Variants in ELAVL2 observed in about 807,000 individuals in gnomAD.
ELAVL2 encodes ELAV-like protein 2.
ELAVL2 carries 4 observed loss-of-function variants against 34.6 expected under a neutral mutation model. The observed-to-expected ratio is 0.12, with a 90% CI of 0.06 to 0.26. ELAVL2 has a LOEUF of 0.26. Among genes scored for constraint, ELAVL2 ranks in the 10% least tolerant of loss-of-function variants. ELAVL2 has a pLI of 1.00. For missense variants in ELAVL2, 432 were observed against 442.8 expected (o/e 0.98, Z 0.22); for synonymous variants, 193 against 154.8 (o/e 1.25, Z -1.83).
chr9:23,718,948 T>C (rs989223752), intron 3 of ELAVL2, among the ~76,000 whole-genome samples: 3 of 152,168 alleles, frequency 2.0e-5, no homozygotes, highest in Non-Finnish European at 2.9e-5. Flanking sequence ...AAATAATTAC[T>C]GTATTCCCAA....
At chr9:23,734,065 G>A (rs2047244467) in intron 2 of ELAVL2, among the ~76,000 whole-genome samples, 1 of 152,176 alleles carries the variant, frequency 6.6e-6, no homozygotes, top group Non-Finnish European at 1.5e-5. Flanking sequence ...AAGCAAAACT[G>A]TATTATTATC....
intron 2 of ELAVL2, among the ~76,000 whole-genome samples, chr9:23,756,596 A>G (rs910050208): frequency 1.3e-5 from 2 of 152,138 alleles, no homozygotes; most frequent in African/African-American, 4.8e-5. Flanking sequence ...ACGTGCTTTC[A>G]GCAACATATC....
rs778079127 is a variant in ELAVL2 at position 23,804,180 on chromosome 9, TA to T, written c.-16+21625del. On this transcript the variant is annotated intron_variant, in intron 1 of 6. Transcript: ENST00000397312. Reference sequence around the variant, plus strand: ...TGGATTTATTATTTATTTATTTATTTATTTTTTTTTTGAGACGGCGTCTCGC... The same window carrying T: ...TGGATTTATTATTTATTTATTTATTTTTTTTTTTTTGAGACGGCGTCTCGC... Among the ~76,000 whole-genome samples the T allele has an allele frequency of 3.2e-3, 476 of 150,076 alleles. 3 individuals carry two copies. The highest frequency in any genetic ancestry group is 0.014 in the Middle Eastern group (4 of 284).
chr9:23,727,846 T>C (rs987013566), intron 3 of ELAVL2, among the ~76,000 whole-genome samples: 1 of 152,052 alleles, frequency 6.6e-6, no homozygotes, highest in African/African-American at 2.4e-5. Context: ...CTAATGCTAT[T>C]AGGGAGCCCC....
the ELAVL2 span, among the ~76,000 whole-genome samples, chr9:23,844,241 CTCTA>C: frequency 2.6e-5 from 4 of 152,008 alleles, no homozygotes; most frequent in Admixed American, 6.6e-5. Context: ...CTGTTGACAT[CTCTA>C]TCTCTTACAC....
chr9:23,803,581 G>A (rs966986522), intron 1 of ELAVL2, among the ~76,000 whole-genome samples: 1 of 152,136 alleles, frequency 6.6e-6, no homozygotes, highest in Non-Finnish European at 1.5e-5. Context: ...AAGCCATCCT[G>A]TAAAATTGTC....
At chr9:23,805,604 G>C (rs2062109877) in intron 1 of ELAVL2, among the ~76,000 whole-genome samples, 1 of 152,198 alleles carries the variant, frequency 6.6e-6, no homozygotes, top group Admixed American at 6.5e-5. Context: ...GCATGAGCTT[G>C]GCATATACCA....
At position 23,701,365 on chromosome 9, in the gene ELAVL2, C is replaced by CA. The variant is rs1157517643; in HGVS notation, c.713+13dup. 6.2e-7 allele frequency: 1 copy of CA among 1,613,600 alleles called. No individual in the cohort carries two copies. Among genetic ancestry groups the CA allele is most frequent in the East Asian group, 2.2e-5 (1 of 44,876 alleles). On this transcript the variant is annotated intron_variant, in intron 5 of 6. Coordinates refer to ENST00000397312, the MANE Select transcript of ELAVL2 (RefSeq NM_004432.5). ...CAGTTTAGTAGCTGGGCACAAGAAC[C>CA]AAACCAGACTTACCTAAAACGCTGT...
chr9:23,811,148 C>T (rs2062925808), intron 1 of ELAVL2, among the ~76,000 whole-genome samples: 1 of 151,486 alleles, frequency 6.6e-6, no homozygotes, highest in Non-Finnish European at 1.5e-5. Flanking sequence ...AAGATTTCAC[C>T]CTACCATCCA....
intron 2 of ELAVL2, among the ~76,000 whole-genome samples, chr9:23,732,692 TA>T (rs2046878483): frequency 6.6e-6 from 1 of 152,164 alleles, no homozygotes; most frequent in Admixed American, 6.6e-5. Context: ...GGAACCAGCT[TA>T]TAGTGGAAAG....
At chr9:23,714,435 T>C (rs543447257) in intron 3 of ELAVL2, among the ~76,000 whole-genome samples, 27 of 152,264 alleles carry the variant, frequency 1.8e-4, no homozygotes, top group African/African-American at 6.5e-4. Context: ...AGCAGATGAG[T>C]GTGCTGGGAA....
chr9:23,721,525 T>C (rs1296143073), intron 3 of ELAVL2, among the ~76,000 whole-genome samples: 1 of 152,238 alleles, frequency 6.6e-6, no homozygotes, highest in East Asian at 1.9e-4. Flanking sequence ...GACTTACACC[T>C]CCAAGTCCTA....
At chr9:23,805,665 G>C (rs562950331) in intron 1 of ELAVL2, among the ~76,000 whole-genome samples, 2 of 152,266 alleles carry the variant, frequency 1.3e-5, no homozygotes, top group South Asian at 2.1e-4. Context: ...TCCATGATTA[G>C]AGCATCTACC....
At chr9:23,693,581 T>A (rs1054746085) in intron 5 of ELAVL2, 95 bp from the exon 6 acceptor site, 1 of 1,401,538 alleles carries the variant, frequency 7.1e-7, no homozygotes. Context: ...CGAGGGGATA[T>A]CTGTACACTG....
intron 5 of ELAVL2, among the ~76,000 whole-genome samples, chr9:23,700,664 C>G (rs949935370): frequency 6.6e-6 from 1 of 152,080 alleles, no homozygotes; most frequent in African/African-American, 2.4e-5. Flanking sequence ...GCAACAGTGA[C>G]CATAACCCAT....
intron 3 of ELAVL2, among the ~76,000 whole-genome samples, chr9:23,710,491 T>C (rs953529713): frequency 1.3e-5 from 2 of 152,246 alleles, no homozygotes; most frequent in African/African-American, 4.8e-5. Flanking sequence ...TGATAAGGTC[T>C]ATAAATGAAC....
intron 3 of ELAVL2, among the ~76,000 whole-genome samples, chr9:23,707,732 T>G (rs1014247857): frequency 1.3e-5 from 2 of 152,234 alleles, no homozygotes; most frequent in African/African-American, 4.8e-5. Flanking sequence ...ATATGGCTAT[T>G]AGGAATAATT....
chr9:23,723,767 T>C (rs143560025), intron 3 of ELAVL2, among the ~76,000 whole-genome samples: 192 of 152,252 alleles, frequency 1.3e-3, no homozygotes, highest in Non-Finnish European at 2.0e-3. Context: ...AATTTTGCAC[T>C]TAACATTCTA....
chr9:23,818,192 G>A lies in ELAVL2; in HGVS notation c.-16+7614C>T, dbSNP rs545559002. 9.9e-5 allele frequency among the ~76,000 whole-genome samples: 15 copies of A among 152,260 alleles called. No homozygotes were observed. The East Asian group carries it at 2.5e-3, about 25-fold the overall frequency. ...TTTTATGCATTTTATGTCCTCCATA[G>A]TGAATTTGATAGTCAGGTGTGGCAT... On this transcript the variant is annotated intron_variant, in intron 1 of 6. Transcript: ENST00000397312.
Sources: allele counts gnomAD v4.1 joint callset (sites outside exome capture counted in the v4.1 genomes callset), GRCh38; gene constraint gnomAD v4.1.1; transcripts MANE v1.5; gene names NCBI Gene and HGNC (gene_info 2026-07-23, HGNC 2026-07-21).